The following PTPRN2 variants were observed in gnomAD, a reference collection of about 807,000 sequenced individuals.
PTPRN2 encodes the protein protein tyrosine phosphatase receptor type N2, also known as receptor-type tyrosine-protein phosphatase N2.
PTPRN2 carries 74 observed loss-of-function variants against 118.8 expected under a neutral mutation model. The ratio of observed to expected loss-of-function variants is 0.62; its 90% CI spans 0.52 to 0.76. PTPRN2 has a LOEUF of 0.76. Among genes scored for constraint, PTPRN2 ranks in the 30% least tolerant of loss-of-function variants. The pLI is 0.00. For synonymous variants in PTPRN2, 641 were observed against 608.0 expected, an observed-to-expected ratio of 1.05 and a Z score of -0.80; for missense variants, 1,481 against 1,394.4, an observed-to-expected ratio of 1.06 and a Z score of -0.99.
intron 1 of PTPRN2, among the ~76,000 whole-genome samples, chr7:158,520,681 A>T (rs1328842922): frequency 6.6e-6 from 1 of 152,190 alleles, no homozygotes; most frequent in East Asian, 1.9e-4. Flanking sequence ...GGTTTTTTAG[A>T]AAAGACTATA....
At chr7:158,207,670 G>T (rs1352828471) in intron 3 of PTPRN2, among the ~76,000 whole-genome samples, 1 of 152,122 alleles carries the variant, frequency 6.6e-6, no homozygotes, top group Non-Finnish European at 1.5e-5. Context: ...TTCCCAAGAA[G>T]GATGAATACA....
intron 3 of PTPRN2, among the ~76,000 whole-genome samples, chr7:158,285,795 G>A (rs1261450256): frequency 6.6e-6 from 1 of 152,200 alleles, no homozygotes; most frequent in African/African-American, 2.4e-5. Context: ...CCTTGGGTTA[G>A]GGAGACAGGT....
intron 2 of PTPRN2, among the ~76,000 whole-genome samples, chr7:158,453,392 T>A (rs1236523846): frequency 1.0e-5 from 1 of 100,108 alleles, no homozygotes; most frequent in Non-Finnish European, 2.1e-5. Flanking sequence ...AAGAGGACAG[T>A]CCTCACCGTA....
At chr7:157,833,055 G>C (rs1268680393) in intron 12 of PTPRN2, among the ~76,000 whole-genome samples, 1 of 152,038 alleles carries the variant, frequency 6.6e-6, no homozygotes, top group Non-Finnish European at 1.5e-5. Flanking sequence ...ACTCGTCCAG[G>C]AAGTGTGTGA....
At chr7:158,175,718 A>G (rs1320148478) in intron 5 of PTPRN2, among the ~76,000 whole-genome samples, 2 of 152,156 alleles carry the variant, frequency 1.3e-5, no homozygotes, top group South Asian at 2.1e-4. Flanking sequence ...TAAGACCCCA[A>G]ACAGTTTTCA....
chr7:157,670,905 G>A (rs2150779788), intron 13 of PTPRN2, among the ~76,000 whole-genome samples: 1 of 152,312 alleles, frequency 6.6e-6, no homozygotes, highest in East Asian at 1.9e-4. Flanking sequence ...TAGAGAACGG[G>A]CAGCTGTTTT....
rs537539877 is a variant in PTPRN2 at position 158,169,115 on chromosome 7, G to A, written c.550-1824C>T. Among the ~76,000 whole-genome samples, 41 of 152,346 alleles carry A rather than the reference G, an allele frequency of 2.7e-4. 1 individual carries two copies. The South Asian group carries it at 2.9e-3, about 11-fold the overall frequency. On this transcript the variant is annotated intron_variant, in intron 5 of 22. Transcript: ENST00000389418. ...TAAGGGTGTGCAGCCATCACTGACA[G>A]TAAGGTAAGGGGGTCCAGCTCCTGA...
intron 12 of PTPRN2, among the ~76,000 whole-genome samples, chr7:157,757,583 T>A (rs186425939): frequency 6.6e-6 from 1 of 151,552 alleles, no homozygotes; most frequent in East Asian, 1.9e-4. Context: ...CACTTGGCAG[T>A]TAGCGGGCTA....
At position 157,747,867 on chromosome 7, in the gene PTPRN2, C is replaced by T. The variant is rs368239405; in HGVS notation, c.1789-64930G>A. On this transcript the variant is annotated intron_variant, in intron 12 of 22. Transcript: ENST00000389418. Reference sequence around the variant, plus strand: ...TCCGGGTGATTCTGAGGCCTGCGTCCCTGAGCTGTGGGGTGTCCGGGTGAT... The same window carrying T: ...TCCGGGTGATTCTGAGGCCTGCGTCTCTGAGCTGTGGGGTGTCCGGGTGAT... Among the ~76,000 whole-genome samples, 772 of 87,106 alleles carry T rather than the reference C, an allele frequency of 8.9e-3. 23 individuals are homozygous for T. Among genetic ancestry groups the T allele is most frequent in the Middle Eastern group, 0.026 (3 of 116 alleles). The allele number at this position is 87,106 out of a possible 152,430, so 57.1% of individuals were successfully genotyped here.
At chr7:158,468,873 A>G (rs1819576536) in intron 2 of PTPRN2, among the ~76,000 whole-genome samples, 1 of 148,912 alleles carries the variant, frequency 6.7e-6, no homozygotes, top group South Asian at 2.2e-4. Context: ...AAGAGTATGC[A>G]CACCCACACA....
intron 2 of PTPRN2, among the ~76,000 whole-genome samples, chr7:158,435,330 A>C (rs897194020): frequency 6.6e-6 from 1 of 152,216 alleles, no homozygotes; most frequent in African/African-American, 2.4e-5. Context: ...ATACAAATGG[A>C]CTGCAGGTAT....
At chr7:158,579,931 G>A (rs1028697024) in intron 1 of PTPRN2, among the ~76,000 whole-genome samples, 1 of 152,234 alleles carries the variant, frequency 6.6e-6, no homozygotes, top group Non-Finnish European at 1.5e-5. Context: ...TCTAACCACA[G>A]CTGTATCTCA....
chr7:157,573,164 G>T (rs558358862), intron 19 of PTPRN2, among the ~76,000 whole-genome samples: 1 of 152,378 alleles, frequency 6.6e-6, no homozygotes, highest in South Asian at 2.1e-4. Context: ...CAGCATGGGG[G>T]TGGGAAGCCC....
chr7:157,747,385 G>A (rs1361364706), intron 12 of PTPRN2, among the ~76,000 whole-genome samples: 102 of 137,642 alleles, frequency 7.4e-4, no homozygotes, highest in Middle Eastern at 4.0e-3. Flanking sequence ...CCTGAGCTGT[G>A]GGCTGTTGAG....
intron 11 of PTPRN2, among the ~76,000 whole-genome samples, chr7:157,965,889 G>T (rs1801888832): frequency 6.6e-6 from 1 of 152,082 alleles, no homozygotes; most frequent in African/African-American, 2.4e-5. Flanking sequence ...AAATAAGTGT[G>T]GGAAATCCAG....
rs569192674 is a variant in PTPRN2, at chr7:157,741,442, G to GC, written c.1789-58506dup. 1.4e-3 allele frequency among the ~76,000 whole-genome samples: 217 copies of GC among 152,264 alleles called. 2 individuals are homozygous for GC. The highest frequency in any genetic ancestry group is 5.1e-3 in the African/African-American group (211 of 41,556). On this transcript the variant is annotated intron_variant, in intron 12 of 22. Coordinates refer to ENST00000389418, the MANE Select transcript of PTPRN2 (RefSeq NM_002847.5). ...CACTGAAGGCTCTTCGGCACCTAGA[G>GC]CCCCATCATCCCTTCCCCGTGTGTT...
chr7:158,440,889 G>A (rs1816988814), intron 2 of PTPRN2, among the ~76,000 whole-genome samples: 1 of 147,528 alleles, frequency 6.8e-6, no homozygotes, highest in Non-Finnish European at 1.5e-5. Flanking sequence ...TGGTGGTGAA[G>A]GTGGTGGTGG....
In PTPRN2 at chr7:157,587,246, ACAGG is replaced by A. The variant is rs1180405150; in HGVS notation, c.2496+7988_2496+7991del. ...CACAGGCAGACAGGCAGACAGCGAG[ACAGG>A]CAGACAGACAGGCAGACAAACAGGC... On this transcript the variant is annotated intron_variant, in intron 17 of 22. Transcript: ENST00000389418. This position sits in a 1 kb window ranked among gnomAD's most constrained non-coding sequence, Gnocchi z 5.3. Among the ~76,000 whole-genome samples, 4 of 148,426 alleles carry A rather than the reference ACAGG, an allele frequency of 2.7e-5. No homozygotes were observed. Among genetic ancestry groups the A allele is most frequent in the African/African-American group, 1.0e-4 (4 of 38,950 alleles).
At chr7:158,507,950 CAT>C (rs1398812258) in intron 1 of PTPRN2, among the ~76,000 whole-genome samples, 1 of 150,244 alleles carries the variant, frequency 6.7e-6, no homozygotes, top group Non-Finnish European at 1.5e-5. Flanking sequence ...AAATCACACA[CAT>C]GGAGGTCAGT....
Sources: allele counts gnomAD v4.1 joint callset (sites outside exome capture counted in the v4.1 genomes callset), GRCh38; gene constraint gnomAD v4.1.1; non-coding constraint Gnocchi (gnomAD v3.1); transcripts MANE v1.5; gene names NCBI Gene and HGNC (gene_info 2026-07-23, HGNC 2026-07-21).